CBFA2T3: variants seen among roughly 807,000 people sequenced by gnomAD.
CBFA2T3 encodes the protein transcriptional corepressor CBFA2T3.
A neutral mutation model predicts 58.6 loss-of-function variants in CBFA2T3; 31 were observed. The ratio of observed to expected loss-of-function variants is 0.53; its 90% CI spans 0.40 to 0.71. The LOEUF (loss-of-function observed/expected upper bound fraction) is 0.71. CBFA2T3 is among the 30% of genes least tolerant of loss of function. The pLI is 0.00. For synonymous variants in CBFA2T3, 531 were observed against 421.9 expected (o/e 1.26, Z -3.17); for missense variants, 1,076 against 963.1 (o/e 1.12, Z -1.55).
At chr16:88,892,826 G>A (rs979926368) in intron 3 of CBFA2T3, among the ~76,000 whole-genome samples, 1 of 152,168 alleles carries the variant, frequency 6.6e-6, no homozygotes, top group African/African-American at 2.4e-5. Context: ...CCACAATGGT[G>A]GTGGCCGTGG....
intron 10 of CBFA2T3, 125 bp downstream of exon 10, chr16:88,880,595 G>A: frequency 1.3e-6 from 1 of 792,938 alleles, no homozygotes; most frequent in Admixed American, 2.5e-5. Flanking sequence ...GCGGAATGCA[G>A]AAAGCCTTGT....
At chr16:88,936,426 C>G (rs1971502537) in intron 1 of CBFA2T3, among the ~76,000 whole-genome samples, 1 of 152,140 alleles carries the variant, frequency 6.6e-6, no homozygotes, top group African/African-American at 2.4e-5. Flanking sequence ...ACGACCCCAG[C>G]CTCAGGGGCA....
intron 10 of CBFA2T3, among the ~76,000 whole-genome samples, chr16:88,880,353 G>A (rs2272439): frequency 0.13 from 20,481 of 152,038 alleles, 1,766 homozygotes; most frequent in East Asian, 0.45. Flanking sequence ...CTTGCCCAGC[G>A]CTCAGCTCCA....
intron 1 of CBFA2T3, among the ~76,000 whole-genome samples, chr16:88,903,268 G>A (rs1040102801): frequency 2.6e-5 from 4 of 152,208 alleles, no homozygotes; most frequent in Admixed American, 2.6e-4. Flanking sequence ...TTTACAGAGA[G>A]GCAGAGAGGT....
At chr16:88,903,852 CT>C (rs1183193310) in intron 1 of CBFA2T3, among the ~76,000 whole-genome samples, 1 of 151,854 alleles carries the variant, frequency 6.6e-6, no homozygotes, top group Non-Finnish European at 1.5e-5. Flanking sequence ...GGGATGCCCC[CT>C]GTTTGGACTT....
At chr16:88,886,420 G>A (rs1367163597) in intron 5 of CBFA2T3, 1 of 348,434 alleles carries the variant, frequency 2.9e-6, no homozygotes, top group African/African-American at 2.1e-5. Flanking sequence ...TGGACTCCCA[G>A]GGTGGGGCTT....
At chr16:88,952,157 G>C (rs1363418443) in intron 1 of CBFA2T3, among the ~76,000 whole-genome samples, 2 of 152,048 alleles carry the variant, frequency 1.3e-5, no homozygotes, top group Admixed American at 1.3e-4. Context: ...CAGAGACAGA[G>C]AGACTAATTT....
intron 5 of CBFA2T3, among the ~76,000 whole-genome samples, chr16:88,890,538 C>T (rs758965936): frequency 2.6e-5 from 4 of 152,228 alleles, no homozygotes; most frequent in Non-Finnish European, 4.4e-5. Flanking sequence ...GAGAAGGTCA[C>T]ATGGTCAGAC....
rs571243081 is a variant in CBFA2T3 at position 88,906,154 on chromosome 16, C to T, written c.152-4498G>A. On this transcript the variant is annotated intron_variant, in intron 1 of 11. Transcript: ENST00000268679. ...CACCCCCAAGCAGTGTGGGGAGTCTCTGGAGCTCCCACCGGCCCACAGCTC... is the reference window on the plus strand; with the variant it reads ...CACCCCCAAGCAGTGTGGGGAGTCTTTGGAGCTCCCACCGGCCCACAGCTC... 3.3e-5 allele frequency among the ~76,000 whole-genome samples: 5 copies of T among 152,172 alleles called. No individual in the cohort carries two copies. The South Asian group carries it at 6.2e-4, about 19-fold the overall frequency.
In CBFA2T3 at chr16:88,875,774, C is replaced by T. The variant is rs1185091468; in HGVS notation, c.*1202G>A. The T allele has an allele frequency of 1.3e-5, 3 of 233,402 alleles. No homozygotes were observed. Among genetic ancestry groups the T allele is most frequent in the African/African-American group, 2.2e-5 (1 of 45,288 alleles). The allele number at this position is 233,402 out of a possible 1,614,324, so 14.5% of individuals were successfully genotyped here. ...CCAAAAGATTGTCACAGTTTTGTTT[C>T]GGAATTATGCTCTCTCTGGGAAGAA... is the stretch of plus-strand genomic sequence containing the variant. On this transcript the variant is annotated 3_prime_UTR_variant, in exon 12 of 12. Coordinates refer to ENST00000268679, the MANE Select transcript of CBFA2T3 (RefSeq NM_005187.6).
rs1302216520 is a variant in CBFA2T3, at chr16:88,941,604, G to A, written c.151+35053C>T. Among the ~76,000 whole-genome samples, 4 of 147,798 alleles carry A rather than the reference G, an allele frequency of 2.7e-5. 1 individual carries two copies. Among genetic ancestry groups the A allele is most frequent in the Non-Finnish European group, 1.5e-5 (1 of 66,258 alleles). On this transcript the variant is annotated intron_variant, in intron 1 of 11. Coordinates refer to ENST00000268679, the MANE Select transcript of CBFA2T3 (RefSeq NM_005187.6). ...CAGGGAGAGGGGAGAGGGGCGCGGG[G>A]AGGGGGCGACGGGCGCGCCGCCTCC...
chr16:88,930,698 G>T (rs1451241572), intron 1 of CBFA2T3, among the ~76,000 whole-genome samples: 1 of 117,352 alleles, frequency 8.5e-6, no homozygotes, highest in African/African-American at 3.1e-5. Flanking sequence ...AGGAGATGGG[G>T]AGGGGGCAGA....
chr16:88,875,120 C>A lies in CBFA2T3; in HGVS notation c.*1856G>T. 2 of 235,820 alleles carry A rather than the reference C, an allele frequency of 8.5e-6. No individual in the cohort carries two copies. The highest frequency in any genetic ancestry group is 1.7e-5 in the Non-Finnish European group (2 of 119,742). 14.6% of individuals were successfully genotyped at this position (235,820 alleles called of 1,614,324 possible). On this transcript the variant is annotated 3_prime_UTR_variant, in exon 12 of 12. Transcript: ENST00000268679. ...GCCAGGCCACGGGCCACGCCACACA[C>A]ACAGATGCCAGGCCACGGGCCACGC...
intron 3 of CBFA2T3, among the ~76,000 whole-genome samples, chr16:88,892,694 T>A (rs1161843519): frequency 1.3e-5 from 2 of 152,178 alleles, no homozygotes; most frequent in Non-Finnish European, 2.9e-5. Context: ...ATGCTGACCA[T>A]CTGTCCTTCC....
At chr16:88,892,168 G>A (rs986090987) in intron 4 of CBFA2T3, 76 bp downstream of exon 4, 2 of 1,533,152 alleles carry the variant, frequency 1.3e-6, no homozygotes, top group Non-Finnish European at 1.8e-6. Flanking sequence ...CATGTAAGGA[G>A]TGGCCGTGGC....
intron 1 of CBFA2T3, among the ~76,000 whole-genome samples, chr16:88,904,595 G>A (rs1422406419): frequency 6.6e-6 from 1 of 152,256 alleles, no homozygotes; most frequent in African/African-American, 2.4e-5. Flanking sequence ...GAGGCTGCAG[G>A]GGCAGGAGGC....
At chr16:88,976,420 G>C (rs1472045752) in intron 1 of CBFA2T3, among the ~76,000 whole-genome samples, 1 of 152,172 alleles carries the variant, frequency 6.6e-6, no homozygotes, top group African/African-American at 2.4e-5. Context: ...CTGCCTCTGG[G>C]TGGGGCTGGG....
chr16:88,921,759 G>T (rs978870781), intron 1 of CBFA2T3, among the ~76,000 whole-genome samples: 2 of 152,256 alleles, frequency 1.3e-5, no homozygotes, highest in Non-Finnish European at 2.9e-5. Context: ...CGGTGCCGGG[G>T]GACTTGCGGC....
chr16:88,897,871 G>C (rs570404932), intron 3 of CBFA2T3, among the ~76,000 whole-genome samples: 9 of 152,358 alleles, frequency 5.9e-5, no homozygotes, highest in African/African-American at 2.2e-4. Flanking sequence ...TGGAGCGGAG[G>C]GTCTGTGGGA....
Sources: gnomAD v4.1 joint callset for allele counts (sites outside exome capture counted in the v4.1 genomes callset) on GRCh38, gnomAD v4.1.1 for gene constraint, MANE v1.5 for transcripts, NCBI Gene and HGNC (gene_info 2026-07-23, HGNC 2026-07-21) for gene names.